IQSEC3: variants seen among roughly 807,000 people sequenced by gnomAD.
IQSEC3 encodes IQ motif and SEC7 domain-containing protein 3.
IQSEC3 carries 50 observed loss-of-function variants against 105.4 expected under a neutral mutation model. The ratio of observed to expected loss-of-function variants is 0.47; its 90% confidence interval spans 0.38 to 0.60. The LOEUF is 0.60. IQSEC3 is among the 20% of genes least tolerant of loss of function. IQSEC3 has a pLI of 0.00. For missense variants in IQSEC3, 1,415 were observed against 1,630.0 expected, an observed-to-expected ratio of 0.87 and a Z score of 2.27; for synonymous variants, 708 against 746.0, an observed-to-expected ratio of 0.95 and a Z score of 0.83.
chr12:130,665 C>T (rs1388898257), intron 3 of IQSEC3, among the ~76,000 whole-genome samples: 14 of 152,334 alleles, frequency 9.2e-5, no homozygotes, highest in South Asian at 4.1e-4. Context: ...TGGCTGCCCA[C>T]TCCCAGGCAG....
intron 1 of IQSEC3, among the ~76,000 whole-genome samples, chr12:71,799 C>T (rs555165331): frequency 0.018 from 2,761 of 151,538 alleles, no homozygotes; most frequent in Middle Eastern, 0.065. Flanking sequence ...ATGGCCCATG[C>T]TCATCAATCT....
intron 2 of IQSEC3, among the ~76,000 whole-genome samples, chr12:102,464 C>A (rs143273393): frequency 8.9e-4 from 135 of 152,358 alleles, no homozygotes; most frequent in African/African-American, 3.0e-3. Context: ...AGCAAGGGTC[C>A]CTTTCCTGAG....
intron 2 of IQSEC3, among the ~76,000 whole-genome samples, chr12:121,556 G>A (rs1412416307): frequency 4.6e-5 from 7 of 152,272 alleles, no homozygotes; most frequent in East Asian, 3.9e-4. Flanking sequence ...AGGCCCTTTC[G>A]CTGTTTGCTG....
At chr12:125,394 G>C (rs58577859) in intron 2 of IQSEC3, among the ~76,000 whole-genome samples, 1 of 151,776 alleles carries the variant, frequency 6.6e-6, no homozygotes, top group African/African-American at 2.4e-5. Flanking sequence ...CTGAGCCCTG[G>C]CCATAGCTGC....
At chr12:73,439 C>T (rs1256657845) in intron 1 of IQSEC3, among the ~76,000 whole-genome samples, 1 of 152,222 alleles carries the variant, frequency 6.6e-6, no homozygotes, top group Non-Finnish European at 1.5e-5. Context: ...GATAAAGAAA[C>T]CAAGATGGCA....
chr12:66,847 C>T lies in IQSEC3; in HGVS notation c.-36C>T, dbSNP rs1435485093. On this transcript the variant is annotated 5_prime_UTR_variant, in exon 1 of 14. Transcript: ENST00000538872. ...CGCCCTCGCGCTCCCCGCCGCCAGC[C>T]CAGGCGCAGGCAGGGCGCAGGCGGC... 2.4e-5 allele frequency: 33 copies of T among 1,367,664 alleles called. No individual in the cohort carries two copies. The highest frequency in any genetic ancestry group is 3.0e-5 in the Non-Finnish European group (32 of 1,064,094). 84.7% of individuals were successfully genotyped at this position (1,367,664 alleles called of 1,614,324 possible).
chr12:163,152 T>C (rs3925802), intron 8 of IQSEC3, among the ~76,000 whole-genome samples: 25,152 of 59,878 alleles, frequency 0.42, 4,186 homozygotes, highest in Admixed American at 0.52. Context: ...CTCCCCTCCC[T>C]CTCCACAAAA....
intron 1 of IQSEC3, among the ~76,000 whole-genome samples, chr12:92,900 TG>T (rs1364083508): frequency 6.6e-6 from 1 of 152,208 alleles, no homozygotes; most frequent in African/African-American, 2.4e-5. Flanking sequence ...AATGCAGCAC[TG>T]GTTGATTTCA....
At chr12:75,385 G>A (rs1246002412) in intron 1 of IQSEC3, among the ~76,000 whole-genome samples, 2 of 152,184 alleles carry the variant, frequency 1.3e-5, no homozygotes, top group East Asian at 3.8e-4. Context: ...GGAAAGGGGA[G>A]GGACACAGGG....
intron 2 of IQSEC3, among the ~76,000 whole-genome samples, chr12:111,264 T>C (rs1864876063): frequency 6.6e-6 from 1 of 152,208 alleles, no homozygotes; most frequent in Admixed American, 6.5e-5. Flanking sequence ...CCAATCCTCA[T>C]CTGAGCCAAA....
chr12:121,322 A>G (rs1555081888), intron 2 of IQSEC3, among the ~76,000 whole-genome samples: 2 of 152,238 alleles, frequency 1.3e-5, no homozygotes, highest in Non-Finnish European at 2.9e-5. Flanking sequence ...TGACAGCCTA[A>G]GGTGAAGATT....
At chr12:171,461 C>T in intron 13 of IQSEC3, 1 of 711,350 alleles carries the variant, frequency 1.4e-6, no homozygotes. Flanking sequence ...GCCATCCTTC[C>T]TGTGTGCCCC....
chr12:97,619 A>G (rs1342508932), intron 1 of IQSEC3, among the ~76,000 whole-genome samples: 1 of 152,200 alleles, frequency 6.6e-6, no homozygotes, highest in African/African-American at 2.4e-5. Flanking sequence ...GTTCGAGACC[A>G]GGCTGGGCAA....
At chr12:126,032 C>A in intron 3 of IQSEC3, 120 bp downstream of exon 3, 1 of 1,055,046 alleles carries the variant, frequency 9.5e-7, no homozygotes, top group South Asian at 1.6e-5. Context: ...CCTCTTTTGC[C>A]ACAGTTCTCC....
intron 1 of IQSEC3, among the ~76,000 whole-genome samples, chr12:96,432 A>G (rs1252916580): frequency 1.3e-5 from 2 of 152,238 alleles, no homozygotes; most frequent in Non-Finnish European, 2.9e-5. Flanking sequence ...GGATCAGGGA[A>G]AAGACCTGGA....
At position 175,112 on chromosome 12, in the gene IQSEC3, C is replaced by T. The variant is rs927517924; in HGVS notation, c.*79C>T. 23 of 1,113,720 alleles carry T rather than the reference C, an allele frequency of 2.1e-5. No individual in the cohort carries two copies. In the Admixed American group the frequency reaches 6.0e-4, roughly 29 times the overall value. 69.0% of individuals were successfully genotyped at this position (1,113,720 alleles called of 1,614,324 possible). ...GCTGCCCCTCCACTGCTCCCCATAC[C>T]CTGGCACGATGCGTTCCTGGTCACT... On this transcript the variant is annotated 3_prime_UTR_variant, in exon 14 of 14. Coordinates refer to ENST00000538872, the MANE Select transcript of IQSEC3 (RefSeq NM_001170738.2).
At chr12:94,936 C>T (rs972733330) in intron 1 of IQSEC3, among the ~76,000 whole-genome samples, 7 of 152,158 alleles carry the variant, frequency 4.6e-5, no homozygotes, top group South Asian at 2.1e-4. Context: ...CCTGGGACCC[C>T]GGAGCAGCTG....
chr12:121,237 C>A (rs1865208762), intron 2 of IQSEC3, among the ~76,000 whole-genome samples: 1 of 152,200 alleles, frequency 6.6e-6, no homozygotes, highest in South Asian at 2.1e-4. Context: ...GGAGCTAGAG[C>A]GATGGGCTTC....
intron 6 of IQSEC3, 115 bp from the exon 7 acceptor site, chr12:157,413 T>G: frequency 8.0e-7 from 1 of 1,249,988 alleles, no homozygotes; most frequent in South Asian, 1.5e-5. Context: ...CTGGTCTCCC[T>G]GGACCTAAAG....
Sources: gnomAD v4.1 joint callset for allele counts (sites outside exome capture counted in the v4.1 genomes callset) on GRCh38, gnomAD v4.1.1 for gene constraint, MANE v1.5 for transcripts, NCBI Gene and HGNC (gene_info 2026-07-23, HGNC 2026-07-21) for gene names.